CHCT1: variants seen among roughly 807,000 people sequenced by gnomAD.
CHCT1 encodes CHD1 helical C-terminal domain containing 1.
the CHCT1 span, among the ~76,000 whole-genome samples, chr17:60,423,218 G>C: frequency 6.7e-6 from 1 of 150,038 alleles, no homozygotes; most frequent in East Asian, 1.9e-4. Context: ...TTGAGACAGA[G>C]TCTCACTCTG....
chr17:60,428,017 A>G, the CHCT1 span, among the ~76,000 whole-genome samples: 1 of 152,166 alleles, frequency 6.6e-6, no homozygotes, highest in Non-Finnish European at 1.5e-5. Flanking sequence ...GGGCTCCATG[A>G]GGTCAAAATA....
chr17:60,426,209 C>T, the CHCT1 span: 1 of 1,551,846 alleles, frequency 6.4e-7, no homozygotes. Flanking sequence ...AAAGTTGCAC[C>T]TGCCCAGGGA....
At chr17:60,428,292 G>T in the CHCT1 span, among the ~76,000 whole-genome samples, 1 of 152,088 alleles carries the variant, frequency 6.6e-6, no homozygotes, top group Admixed American at 6.6e-5. Context: ...CCTCCATCTG[G>T]CTGGGATGAG....
the CHCT1 span, chr17:60,422,345 C>T: frequency 1.5e-5 from 14 of 953,616 alleles, no homozygotes; most frequent in East Asian, 3.9e-4. Context: ...CGCTCGACCC[C>T]GCACATCTTG....
the CHCT1 span, among the ~76,000 whole-genome samples, chr17:60,427,398 T>C: frequency 1.6e-4 from 24 of 151,942 alleles, no homozygotes; most frequent in African/African-American, 5.3e-4. Flanking sequence ...GGAGAGGTGC[T>C]TTCACCCCTT....
chr17:60,430,930 A>C, the CHCT1 span, among the ~76,000 whole-genome samples: 3 of 152,308 alleles, frequency 2.0e-5, no homozygotes, highest in African/African-American at 4.8e-5. Flanking sequence ...TCTTCCCCTA[A>C]CTTGCTGTAA....
the CHCT1 span, chr17:60,422,480 T>C: frequency 3.1e-5 from 48 of 1,532,408 alleles, no homozygotes; most frequent in Non-Finnish European, 4.0e-5. Flanking sequence ...TGCTCCGAGT[T>C]CTGGAGCCAA....
chr17:60,428,085 A>G, the CHCT1 span, among the ~76,000 whole-genome samples: 1 of 152,212 alleles, frequency 6.6e-6, no homozygotes, highest in East Asian at 1.9e-4. Flanking sequence ...GTCTGGAATA[A>G]TAATCATAGA....
At chr17:60,426,108 A>G in the CHCT1 span, 1 of 1,526,460 alleles carries the variant, frequency 6.6e-7, no homozygotes, top group South Asian at 1.2e-5. Flanking sequence ...GGGACTGCCC[A>G]TCTGCCTCTT....
chr17:60,426,757 A>G, the CHCT1 span: 7 of 1,611,478 alleles, frequency 4.3e-6, no homozygotes, highest in Non-Finnish European at 5.9e-6. Context: ...CGGAGCTGGA[A>G]GCAAAGCAGC....
At chr17:60,429,386 C>T in the CHCT1 span, 2 of 1,613,858 alleles carry the variant, frequency 1.2e-6, no homozygotes, top group South Asian at 1.1e-5. Context: ...CTCGGATGCG[C>T]CGGAGAGGTC....
At chr17:60,427,564 C>CA in the CHCT1 span, among the ~76,000 whole-genome samples, 1 of 152,048 alleles carries the variant, frequency 6.6e-6, no homozygotes, top group African/African-American at 2.4e-5. Context: ...ATTACAGGTG[C>CA]ACACCACTGT....
the CHCT1 span, chr17:60,421,508 C>T: frequency 2.0e-6 from 2 of 985,464 alleles, no homozygotes; most frequent in Non-Finnish European, 2.4e-6. Context: ...GACAACTGGG[C>T]CCGGGCCCAG....
At chr17:60,422,013 TACCCAGC>T in the CHCT1 span, 11 of 908,258 alleles carry the variant, frequency 1.2e-5, no homozygotes, top group Middle Eastern at 5.8e-4. Flanking sequence ...TCCCACCCAG[TACCCAGC>T]ACCCAGCACC....
chr17:60,426,487 G>A, the CHCT1 span: 178 of 1,059,978 alleles, frequency 1.7e-4, 2 homozygotes, highest in South Asian at 3.3e-5. Flanking sequence ...TAGTCACTCA[G>A]GACAGCCCTG....
chr17:60,431,221 G>A, the CHCT1 span: 57,428 of 1,605,456 alleles, frequency 0.036, 16,606 homozygotes, highest in African/African-American at 0.65. Flanking sequence ...AACTCAAGAG[G>A]AAGAGGATAA....
At chr17:60,425,148 C>T in the CHCT1 span, among the ~76,000 whole-genome samples, 1 of 152,080 alleles carries the variant, frequency 6.6e-6, no homozygotes, top group Non-Finnish European at 1.5e-5. Context: ...CCTTAAAAAC[C>T]CCAGTCCAGA....
the CHCT1 span, chr17:60,429,690 T>C: frequency 1.3e-6 from 1 of 746,778 alleles, no homozygotes; most frequent in Non-Finnish European, 2.1e-6. Context: ...TTCCCTCCTT[T>C]CCATCTTCTC....
At chr17:60,422,623 G>A in the CHCT1 span, 28 of 1,550,522 alleles carry the variant, frequency 1.8e-5, no homozygotes, top group Non-Finnish European at 2.3e-5. Flanking sequence ...AGGGGGTGAA[G>A]GGGACAAGCC....
Sources: allele counts gnomAD v4.1 joint callset (sites outside exome capture counted in the v4.1 genomes callset), GRCh38; gene constraint gnomAD v4.1.1; transcripts MANE v1.5; gene names NCBI Gene and HGNC (gene_info 2026-07-23, HGNC 2026-07-21).